The following UIMC1 variants were observed in gnomAD, a reference collection of about 807,000 sequenced individuals.
UIMC1 encodes BRCA1-A complex subunit RAP80.
Under a neutral mutation model 84.9 loss-of-function variants are expected in UIMC1, and 42 were observed. That is an observed-to-expected ratio of 0.49 (90% confidence interval 0.39 to 0.64). The LOEUF (loss-of-function observed/expected upper bound fraction) is 0.64, where lower values mean the gene tolerates loss of function less well. Among genes scored for constraint, UIMC1 ranks in the 30% least tolerant of loss-of-function variants. The pLI is 0.00. For missense variants in UIMC1, 825 were observed against 847.6 expected, an observed-to-expected ratio of 0.97 and a Z score of 0.33; for synonymous variants, 281 against 293.0, an observed-to-expected ratio of 0.96 and a Z score of 0.42.
At position 176,911,369 on chromosome 5, in the gene UIMC1, CT is replaced by C; in HGVS notation, c.1617del (p.Glu540ArgfsTer16). 2 of 1,592,834 alleles carry C rather than the reference CT, an allele frequency of 1.3e-6. No individual in the cohort carries two copies. Among genetic ancestry groups the C allele is most frequent in the East Asian group, 2.3e-5 (1 of 43,964 alleles). On this transcript the variant is annotated frameshift_variant, in exon 11 of 15. Coordinates refer to ENST00000511320, the MANE Select transcript of UIMC1 (RefSeq NM_001199298.2). LOFTEE classifies it high-confidence loss of function. ...EEDTVLTRRQ[K>X]EAKTKSDSGT... ...CCACTGTCACTCTTGGTCTTGGCCT[CT>C]TTTTGTCTCCGAGTCAATACTTTTA... is the stretch of plus-strand genomic sequence containing the variant.
chr5:176,952,949 G>GT (rs1253715438), intron 8 of UIMC1, among the ~76,000 whole-genome samples: 1 of 152,136 alleles, frequency 6.6e-6, no homozygotes, highest in Non-Finnish European at 1.5e-5. Context: ...CCCGAACTTC[G>GT]TATGTTGAAA....
chr5:176,980,889 C>T (rs1258905826), intron 2 of UIMC1, among the ~76,000 whole-genome samples: 2 of 151,720 alleles, frequency 1.3e-5, no homozygotes, highest in Non-Finnish European at 2.9e-5. Flanking sequence ...TACAGGCACA[C>T]GCCACCATGC....
intron 10 of UIMC1, among the ~76,000 whole-genome samples, chr5:176,941,924 A>G (rs1764487533): frequency 6.6e-6 from 1 of 151,836 alleles, no homozygotes. Context: ...GCTCATTACA[A>G]CCTCTGCCTC....
chr5:176,959,469 C>T (rs921202088), intron 6 of UIMC1, among the ~76,000 whole-genome samples: 2 of 151,918 alleles, frequency 1.3e-5, no homozygotes, highest in East Asian at 3.9e-4. Context: ...GTAATCCCAG[C>T]ACTTTGGGAG....
intron 14 of UIMC1, 71 bp from the exon 15 acceptor site, chr5:176,905,563 T>C: frequency 7.2e-7 from 1 of 1,382,090 alleles, no homozygotes; most frequent in Non-Finnish European, 1.0e-6. Flanking sequence ...ATGCACTGTA[T>C]CAGGGGATTT....
intron 2 of UIMC1, among the ~76,000 whole-genome samples, chr5:176,979,246 T>C (rs183012870): frequency 2.4e-4 from 36 of 152,338 alleles, no homozygotes; most frequent in Admixed American, 2.2e-3. Flanking sequence ...ATACGTATGC[T>C]GTTCAGGGAT....
intron 8 of UIMC1, 93 bp from the exon 9 acceptor site, chr5:176,951,670 G>A: frequency 4.4e-6 from 4 of 902,146 alleles, no homozygotes; most frequent in Non-Finnish European, 6.6e-6. Flanking sequence ...TAAAGTTTAG[G>A]ATATGACAAT....
chr5:176,917,216 T>C (rs1246944281), intron 10 of UIMC1, among the ~76,000 whole-genome samples: 1 of 152,178 alleles, frequency 6.6e-6, no homozygotes, highest in Non-Finnish European at 1.5e-5. Flanking sequence ...GAGGCAGCCA[T>C]GCTCACTGCC....
chr5:177,020,331 T>A (rs1225091456), intron 1 of UIMC1, among the ~76,000 whole-genome samples: 1 of 152,248 alleles, frequency 6.6e-6, no homozygotes, highest in Non-Finnish European at 1.5e-5. Flanking sequence ...AATGTCATTT[T>A]CCCAGAGGCT....
At chr5:176,983,245 C>G (rs926409092) in intron 1 of UIMC1, among the ~76,000 whole-genome samples, 1 of 152,014 alleles carries the variant, frequency 6.6e-6, no homozygotes. Flanking sequence ...CTCCCCCTCC[C>G]CCTCCTCCTC....
rs1053439056 is a variant in UIMC1, at chr5:176,966,738, A to G, written c.1200+1817T>C. Reference sequence around the variant, plus strand: ...TCAATAAATTATTCAAAACCACTACAAGCAAAATAATAAATATACACCATT... The same window carrying G: ...TCAATAAATTATTCAAAACCACTACGAGCAAAATAATAAATATACACCATT... On this transcript the variant is annotated intron_variant, in intron 6 of 14. Coordinates refer to ENST00000511320, the MANE Select transcript of UIMC1 (RefSeq NM_001199298.2). Among the ~76,000 whole-genome samples, 6 of 152,206 alleles carry G rather than the reference A, an allele frequency of 3.9e-5. No homozygotes were observed. The South Asian group carries it at 1.2e-3, about 31-fold the overall frequency.
intron 10 of UIMC1, among the ~76,000 whole-genome samples, chr5:176,915,793 CAAAAAAAAAAAAA>C: frequency 2.3e-5 from 1 of 42,658 alleles, no homozygotes; most frequent in East Asian, 4.9e-4. Flanking sequence ...GGTCACAAAG[CAAAAAAAAAAAAA>C]AAAAAAAAGC....
At chr5:176,916,091 CAA>C (rs1760950441) in intron 10 of UIMC1, among the ~76,000 whole-genome samples, 1 of 152,186 alleles carries the variant, frequency 6.6e-6, no homozygotes, top group Non-Finnish European at 1.5e-5. Context: ...ACTGCCCCTA[CAA>C]AAGAGCAGAG....
chr5:176,983,586 C>T (rs1304608520), intron 1 of UIMC1, among the ~76,000 whole-genome samples: 1 of 152,254 alleles, frequency 6.6e-6, no homozygotes, highest in East Asian at 1.9e-4. Context: ...CTCGCTACAA[C>T]CTCCACCTCC....
intron 10 of UIMC1, among the ~76,000 whole-genome samples, chr5:176,918,720 G>A (rs1163403601): frequency 6.6e-6 from 1 of 152,098 alleles, no homozygotes; most frequent in Admixed American, 6.5e-5. Context: ...CGATTACCCT[G>A]TCATATCTTC....
At chr5:176,983,143 T>C (rs1771307314) in intron 1 of UIMC1, among the ~76,000 whole-genome samples, 1 of 151,914 alleles carries the variant, frequency 6.6e-6, no homozygotes, top group Non-Finnish European at 1.5e-5. Flanking sequence ...CTCAATTTAA[T>C]CTTGTAAAAG....
At chr5:176,922,270 T>C (rs1761804693) in intron 10 of UIMC1, among the ~76,000 whole-genome samples, 2 of 152,234 alleles carry the variant, frequency 1.3e-5, no homozygotes, top group Admixed American at 6.5e-5. Context: ...TGCGTTATAG[T>C]TGCTGCTAAA....
intron 3 of UIMC1, among the ~76,000 whole-genome samples, 184 bp downstream of exon 3, chr5:176,975,212 T>C (rs1389381889): frequency 1.3e-5 from 2 of 152,122 alleles, no homozygotes; most frequent in Non-Finnish European, 2.9e-5. Context: ...CCACTGAAGA[T>C]ACAGGAAACT....
In UIMC1 at chr5:176,958,178, T is replaced by C. The variant is rs746442510; in HGVS notation, c.1201-24A>G. On this transcript the variant is annotated intron_variant, in intron 6 of 14. Coordinates refer to ENST00000511320, the MANE Select transcript of UIMC1 (RefSeq NM_001199298.2). ...GACTGCAAAGAAATACGTAGTATCT[T>C]AAATATACAGGCACAGGTGAACTGG... 1.9e-6 allele frequency: 3 copies of C among 1,604,052 alleles called. No homozygotes were observed. The African/African-American group carries it at 4.0e-5, about 21-fold the overall frequency.
Sources: allele counts gnomAD v4.1 joint callset (sites outside exome capture counted in the v4.1 genomes callset), GRCh38; gene constraint gnomAD v4.1.1; transcripts MANE v1.5; gene names NCBI Gene and HGNC (gene_info 2026-07-23, HGNC 2026-07-21).